DCAF8L2: variants seen among roughly 807,000 people sequenced by gnomAD.
DCAF8L2 encodes DDB1- and CUL4-associated factor 8-like protein 2.
For missense variants in DCAF8L2, 430 were observed against 490.7 expected, an observed-to-expected ratio of 0.88 and a Z score of 1.17; for synonymous variants, 200 against 190.9, an observed-to-expected ratio of 1.05 and a Z score of -0.39.
At chrX:27,551,304 A>G in the DCAF8L2 span, among the ~76,000 whole-genome samples, 2 of 110,570 alleles carry the variant, frequency 1.8e-5, no homozygotes, top group Non-Finnish European at 3.8e-5. Flanking sequence ...CTGATCACTA[A>G]GCAGCCATCA....
At position 27,704,496 on chromosome X, in the gene DCAF8L2, G is replaced by T. The variant is rs1335908999; in HGVS notation, c.-142-11592G>T. On this transcript the variant is annotated intron_variant, in intron 3 of 4. Transcript: ENST00000451261. ...AAATAAATAGAATTAGAGTAGAATT[G>T]TGATTGCCAGGTATGAAGAGGGGGA... Among the ~76,000 whole-genome samples, 5 of 110,116 alleles carry T rather than the reference G, an allele frequency of 4.5e-5. No individual in the cohort carries two copies. In the East Asian group the frequency reaches 1.5e-3, roughly 32 times the overall value.
At chrX:27,609,334 G>A (rs1459036527) in intron 1 of DCAF8L2, among the ~76,000 whole-genome samples, 1 of 111,417 alleles carries the variant, frequency 9.0e-6, no homozygotes, top group Non-Finnish European at 1.9e-5. Flanking sequence ...CAGGTCTCCC[G>A]AAGTCCCTGA....
chrX:27,490,489 T>G, the DCAF8L2 span, among the ~76,000 whole-genome samples: 1 of 109,923 alleles, frequency 9.1e-6, no homozygotes, highest in Non-Finnish European at 1.9e-5. Context: ...GGAGACGGAG[T>G]CTCGCTCTGT....
chrX:27,737,632 C>A (rs542447334), intron 4 of DCAF8L2, among the ~76,000 whole-genome samples: 1 of 111,392 alleles, frequency 9.0e-6, no homozygotes. Flanking sequence ...TTTCACAGGA[C>A]CCTCTGTTAA....
At chrX:27,546,017 A>G in the DCAF8L2 span, among the ~76,000 whole-genome samples, 1 of 111,822 alleles carries the variant, frequency 8.9e-6, no homozygotes, top group African/African-American at 3.3e-5. Context: ...TCAAAAGTCC[A>G]CAGTTCAAAG....
chrX:27,491,116 A>C, the DCAF8L2 span, among the ~76,000 whole-genome samples: 1 of 112,393 alleles, frequency 8.9e-6, no homozygotes, highest in Admixed American at 9.4e-5. Context: ...AATTTTGCTA[A>C]AGTATGTTTT....
chrX:27,725,991 C>G (rs1214807544), intron 4 of DCAF8L2, among the ~76,000 whole-genome samples: 1 of 111,382 alleles, frequency 9.0e-6, no homozygotes, highest in African/African-American at 3.3e-5. Context: ...GAGTTAGCAA[C>G]CTATCTTAAT....
At chrX:27,604,514 T>C (rs1926788998) in intron 1 of DCAF8L2, among the ~76,000 whole-genome samples, 1 of 111,463 alleles carries the variant, frequency 9.0e-6, no homozygotes, top group Non-Finnish European at 1.9e-5. Context: ...TTATATTCAC[T>C]TTCTCTAGTG....
the DCAF8L2 span, among the ~76,000 whole-genome samples, chrX:27,492,646 A>AT: frequency 1.3e-5 from 1 of 76,020 alleles, no homozygotes; most frequent in Non-Finnish European, 3.0e-5. Flanking sequence ...TGCCCAGCTA[A>AT]TTTTTTCTAT....
chrX:27,573,573 A>C, the DCAF8L2 span, among the ~76,000 whole-genome samples: 371 of 111,766 alleles, frequency 3.3e-3, 2 homozygotes, highest in African/African-American at 0.011. Context: ...CATTGGTGAC[A>C]GAAGATAGAG....
At chrX:27,609,185 C>T (rs1927047739) in intron 1 of DCAF8L2, among the ~76,000 whole-genome samples, 1 of 111,486 alleles carries the variant, frequency 9.0e-6, no homozygotes, top group Non-Finnish European at 1.9e-5. Context: ...TAAAAATTAA[C>T]AGAAGTTAAA....
At chrX:27,733,199 T>G (rs1468311754) in intron 4 of DCAF8L2, among the ~76,000 whole-genome samples, 2 of 111,516 alleles carry the variant, frequency 1.8e-5, no homozygotes, top group African/African-American at 6.5e-5. Flanking sequence ...ACTTGTTATC[T>G]CTTGTCTTTT....
intron 1 of DCAF8L2, among the ~76,000 whole-genome samples, chrX:27,597,253 T>A (rs2147114597): frequency 8.9e-6 from 1 of 111,800 alleles, no homozygotes; most frequent in Admixed American, 9.6e-5. Context: ...AAGGGAAAAA[T>A]AACATGGAGC....
the DCAF8L2 span, among the ~76,000 whole-genome samples, chrX:27,538,041 GGGTCTA>G: frequency 9.0e-6 from 1 of 111,094 alleles, no homozygotes. Context: ...TGTGTGATTA[GGGTCTA>G]CAAAAAACCC....
At chrX:27,523,444 GTGTA>G in the DCAF8L2 span, among the ~76,000 whole-genome samples, 1 of 88,489 alleles carries the variant, frequency 1.1e-5, no homozygotes, top group Non-Finnish European at 2.3e-5. Context: ...GTGTGTGTGT[GTGTA>G]TAGCAATGGG....
intron 1 of DCAF8L2, among the ~76,000 whole-genome samples, chrX:27,591,570 TAAAC>T (rs1177139541): frequency 8.9e-6 from 1 of 111,928 alleles, no homozygotes; most frequent in Non-Finnish European, 1.9e-5. Flanking sequence ...AGCGTAGTAA[TAAAC>T]AAACATCTTT....
chrX:27,515,015 A>G, the DCAF8L2 span, among the ~76,000 whole-genome samples: 129 of 111,823 alleles, frequency 1.2e-3, no homozygotes, highest in Non-Finnish European at 2.1e-3. Context: ...ATATTTCAAG[A>G]TAGATAGAAG....
intron 2 of DCAF8L2, among the ~76,000 whole-genome samples, chrX:27,652,051 A>G (rs1034135832): frequency 4.5e-5 from 5 of 110,078 alleles, no homozygotes; most frequent in Non-Finnish European, 9.5e-5. Context: ...ATTAATATTA[A>G]TATTAATTTA....
intron 2 of DCAF8L2, among the ~76,000 whole-genome samples, chrX:27,650,152 ATGTGTCTG>A (rs1376920511): frequency 1.8e-5 from 2 of 111,381 alleles, no homozygotes; most frequent in Non-Finnish European, 3.8e-5. Context: ...CCATTGGTCT[ATGTGTCTG>A]TTTTTGTACC....
Sources: allele counts gnomAD v4.1 joint callset (sites outside exome capture counted in the v4.1 genomes callset), GRCh38; gene constraint gnomAD v4.1.1; transcripts MANE v1.5; gene names NCBI Gene and HGNC (gene_info 2026-07-23, HGNC 2026-07-21).